Variants in PAFAH1B2 observed in about 807,000 individuals in gnomAD.
PAFAH1B2 encodes platelet activating factor acetylhydrolase 1b catalytic subunit 2.
A neutral mutation model predicts 28.0 loss-of-function variants in PAFAH1B2; 8 were observed. The ratio of observed to expected loss-of-function variants is 0.29; its 90% confidence interval spans 0.17 to 0.52. The LOEUF (loss-of-function observed/expected upper bound fraction) is 0.52, where lower values mean the gene tolerates loss of function less well. Ranked by LOEUF, PAFAH1B2 falls within the 20% of genes least tolerant of loss-of-function variation. PAFAH1B2 has a pLI of 0.97. For missense variants in PAFAH1B2, 190 were observed against 282.6 expected (o/e 0.67, Z 2.35); for synonymous variants, 104 against 103.2 (o/e 1.01, Z -0.05).
intron 2 of PAFAH1B2, among the ~76,000 whole-genome samples, chr11:117,152,991 A>T (rs530025922): frequency 6.6e-6 from 1 of 152,152 alleles, no homozygotes; most frequent in East Asian, 1.9e-4. Flanking sequence ...GCTTGAACCC[A>T]GGAGGCGGAG....
chr11:117,174,296 G>A (rs1956733977), downstream of PAFAH1B2, among the ~76,000 whole-genome samples: 1 of 151,270 alleles, frequency 6.6e-6, no homozygotes, highest in African/African-American at 2.4e-5. Context: ...TGATTCTCCT[G>A]CCTCAGCCTC....
rs1313307490 is a variant in PAFAH1B2, at chr11:117,161,171, T to C, written c.198T>C (p.Leu66=). The change falls in exon 4 of 6, where the codon CTT becomes CTC. Residue 66 remains leucine, a synonymous_variant. Coordinates refer to ENST00000527958, the MANE Select transcript of PAFAH1B2 (RefSeq NM_002572.4). ...TATGGCGAGAGCTTTTTTCCCCACT[T>C]CATGCACTGAATTTTGGAATTGGGG... ...YEIWRELFSP[L]HALNFGIGGD... The C allele has an allele frequency of 1.3e-6, 2 of 1,595,838 alleles. No homozygotes were observed. Among genetic ancestry groups the C allele is most frequent in the Admixed American group, 1.9e-5 (1 of 53,620 alleles).
chr11:117,149,429 C>CTTTTTTTTTTTTTTT lies in PAFAH1B2; in HGVS notation c.-7-3012_-7-3011insTTTTTTTTTTTTTTT, dbSNP rs1565260556. 4.6e-3 allele frequency among the ~76,000 whole-genome samples: 155 copies of CTTTTTTTTTTTTTTT among 33,464 alleles called. 7 individuals carry two copies. Among genetic ancestry groups the CTTTTTTTTTTTTTTT allele is most frequent in the Non-Finnish European group, 7.0e-3 (92 of 13,084 alleles). 22.0% of individuals were successfully genotyped at this position (33,464 alleles called of 152,430 possible). ...TTTAATTTAAAAAAAGTTTTCTAAT[C>CTTTTTTTTTTTTTTT]GTTTTTTTTTTTTTTGAGATGGAGT... On this transcript the variant is annotated intron_variant, in intron 1 of 5. Coordinates refer to ENST00000527958, the MANE Select transcript of PAFAH1B2 (RefSeq NM_002572.4).
rs1956607784 is a variant in PAFAH1B2, at chr11:117,169,796, G to A, written c.*2097G>A. The A allele has an allele frequency of 2.8e-6, 3 of 1,055,708 alleles. No individual in the cohort carries two copies. Among genetic ancestry groups the A allele is most frequent in the Non-Finnish European group, 3.4e-6 (3 of 873,402 alleles). The allele number at this position is 1,055,708 out of a possible 1,614,324, so 65.4% of individuals were successfully genotyped here. A position where few individuals can be genotyped will look rare whatever the true frequency, so the allele number is the denominator to read the frequency against. On this transcript the variant is annotated 3_prime_UTR_variant, in exon 6 of 6. Transcript: ENST00000527958. The stretch of plus-strand genomic sequence containing the variant: ...GCAAGAAGAATTAAGCCAGATTTTT[G>A]TGTGTGGAAAGACAGTTTTCTATCC...
rs1252928472 is a variant in PAFAH1B2, at chr11:117,168,836, GCT to G, written c.*1138_*1139del. On this transcript the variant is annotated 3_prime_UTR_variant, in exon 6 of 6. Transcript: ENST00000527958. ...GAGATGGAGTTTCACTGTTGCCCAG[GCT>G]GGGGTGCAATGGTGTGATCTTGGCT... 11 of 752,732 alleles carry G rather than the reference GCT, an allele frequency of 1.5e-5. No homozygotes were observed. Among genetic ancestry groups the G allele is most frequent in the Non-Finnish European group, 1.8e-5 (11 of 603,636 alleles). 46.6% of individuals were successfully genotyped at this position (752,732 alleles called of 1,614,324 possible).
rs1216968675 is a variant in PAFAH1B2 at position 117,170,849 on chromosome 11, T to C, written c.*3150T>C. 1.2e-5 allele frequency: 13 copies of C among 1,059,474 alleles called. No individual in the cohort carries two copies. The highest frequency in any genetic ancestry group is 1.5e-5 in the Non-Finnish European group (13 of 875,594). The allele number at this position is 1,059,474 out of a possible 1,614,324, so 65.6% of individuals were successfully genotyped here. On this transcript the variant is annotated 3_prime_UTR_variant, in exon 6 of 6. Transcript: ENST00000527958. ...GTGGGTGCATGTGGGAGAAGTGAGT[T>C]AGGGCCTCTTGAAAGGAGGCTTTTT...
chr11:117,170,830 G>A lies in PAFAH1B2; in HGVS notation c.*3131G>A. On this transcript the variant is annotated 3_prime_UTR_variant, in exon 6 of 6. Transcript: ENST00000527958. The stretch of plus-strand genomic sequence containing the variant: ...TCCAAGCTCCTAAATCCGTGTGGGT[G>A]CATGTGGGAGAAGTGAGTTAGGGCC... 1 of 1,059,772 alleles carries A rather than the reference G, an allele frequency of 9.4e-7. No individual in the cohort carries two copies. Among genetic ancestry groups the A allele is most frequent in the Non-Finnish European group, 1.1e-6 (1 of 875,778 alleles). The allele number at this position is 1,059,772 out of a possible 1,614,324, so 65.6% of individuals were successfully genotyped here.
chr11:117,147,590 T>G (rs920469244), intron 1 of PAFAH1B2, among the ~76,000 whole-genome samples: 6 of 152,238 alleles, frequency 3.9e-5, no homozygotes, highest in Admixed American at 6.5e-5. Context: ...AAAGAGGAGA[T>G]TGTGTGAGTT....
chr11:117,160,736 C>T (rs2134197916), intron 3 of PAFAH1B2, among the ~76,000 whole-genome samples: 1 of 151,734 alleles, frequency 6.6e-6, no homozygotes, highest in Admixed American at 6.6e-5. Flanking sequence ...GGATTATAGG[C>T]ATGGGCCACT....
At chr11:117,162,639 C>T (rs1189730657) in intron 4 of PAFAH1B2, among the ~76,000 whole-genome samples, 2 of 150,690 alleles carry the variant, frequency 1.3e-5, no homozygotes, top group Non-Finnish European at 3.0e-5. Flanking sequence ...CATGGTGTCA[C>T]ACACCTTAGG....
Position 117,167,608 on chromosome 11 carries a change from G to A in PAFAH1B2, c.599G>A (p.Gly200Glu). 1 of 1,612,066 alleles carries A rather than the reference G, an allele frequency of 6.2e-7. No individual in the cohort carries two copies. Residue 200 changes from glycine (G) to glutamate (E), a missense_variant, in exon 6 of 6, where the codon GGG becomes GAG. By Grantham distance (98) the Gly-to-Glu change is moderately conservative (BLOSUM62 -2). Coordinates refer to ENST00000527958, the MANE Select transcript of PAFAH1B2 (RefSeq NM_002572.4). ...TTTGATTTTCTGCATCTGACAGGAG[G>A]GGGCTATGCAAAGATCTGCAAACCC... ...DMFDFLHLTG[G>E]GYAKICKPLH... is the part of the protein sequence containing the mutation.
Position 117,168,406 on chromosome 11 carries a change from C to CTTCA in PAFAH1B2, c.*709_*712dup, listed in dbSNP as rs1395227232. 3 of 1,052,316 alleles carry CTTCA rather than the reference C, an allele frequency of 2.9e-6. No individual in the cohort carries two copies. In the African/African-American group the frequency reaches 5.2e-5, roughly 18 times the overall value. The allele number at this position is 1,052,316 out of a possible 1,614,324, so 65.2% of individuals were successfully genotyped here. On this transcript the variant is annotated 3_prime_UTR_variant, in exon 6 of 6. Transcript: ENST00000527958. ...CATGCAGCCTTTCCTCCTTATTCCC[C>CTTCA]TTCATGCCCCCCTTTCCCCTTCATT...
chr11:117,152,924 G>A (rs1397611098), intron 2 of PAFAH1B2, among the ~76,000 whole-genome samples: 1 of 152,174 alleles, frequency 6.6e-6, no homozygotes, highest in Non-Finnish European at 1.5e-5. Flanking sequence ...AAGTTAGCCG[G>A]TTGTGGTGGC....
chr11:117,152,587 T>A lies in PAFAH1B2; in HGVS notation c.81+59T>A, dbSNP rs74985866. The A allele has an allele frequency of 7.6e-3, 9,616 of 1,260,752 alleles. 520 individuals are homozygous for A. In the African/African-American group the frequency reaches 0.12, roughly 16 times the overall value. 78.1% of individuals were successfully genotyped at this position (1,260,752 alleles called of 1,614,324 possible). ...GTTGAGTCTCCAGTTTTTTGTCTGTTTTGTTTTAGTTTTTGAGACAAGGTC... is the reference window on the plus strand; with the variant it reads ...GTTGAGTCTCCAGTTTTTTGTCTGTATTGTTTTAGTTTTTGAGACAAGGTC... On this transcript the variant is annotated intron_variant, in intron 2 of 5. Coordinates refer to ENST00000527958, the MANE Select transcript of PAFAH1B2 (RefSeq NM_002572.4).
intron 5 of PAFAH1B2, among the ~76,000 whole-genome samples, 167 bp from the exon 6 acceptor site, chr11:117,167,254 A>G (rs1203349745): frequency 6.6e-6 from 1 of 152,206 alleles, no homozygotes; most frequent in Non-Finnish European, 1.5e-5. Flanking sequence ...TGAAAAAACT[A>G]AGAAGAAATG....
chr11:117,175,564 C>G, downstream of PAFAH1B2: 1 of 1,116,678 alleles, frequency 9.0e-7, no homozygotes, highest in Non-Finnish European at 1.1e-6. Flanking sequence ...CCAGATATTG[C>G]CAGCGGAAAG....
chr11:117,157,359 C>A (rs1956276299), intron 2 of PAFAH1B2, among the ~76,000 whole-genome samples: 1 of 151,930 alleles, frequency 6.6e-6, no homozygotes, highest in African/African-American at 2.4e-5. Context: ...CCAGGCTGGT[C>A]TTGAACTCCT....
At chr11:117,145,239 TTTGA>T (rs1955971426) in intron 1 of PAFAH1B2, among the ~76,000 whole-genome samples, 1 of 152,090 alleles carries the variant, frequency 6.6e-6, no homozygotes, top group African/African-American at 2.4e-5. Flanking sequence ...GGTCTACAGG[TTTGA>T]TTGACCCGTT....
In PAFAH1B2 at chr11:117,156,283, G is replaced by A. The variant is rs150303922; in HGVS notation, c.82-3651G>A. 9.9e-5 allele frequency among the ~76,000 whole-genome samples: 15 copies of A among 152,254 alleles called. 2 individuals carry two copies. Among genetic ancestry groups the A allele is most frequent in the African/African-American group, 2.9e-4 (12 of 41,530 alleles). The stretch of plus-strand genomic sequence containing the variant: ...GTATGATGTTAAGTGCAACTATAAC[G>A]GCTACCATTTATCAAGTACCTAGTG... On this transcript the variant is annotated intron_variant, in intron 2 of 5. Coordinates refer to ENST00000527958, the MANE Select transcript of PAFAH1B2 (RefSeq NM_002572.4).
Sources: allele counts gnomAD v4.1 joint callset (sites outside exome capture counted in the v4.1 genomes callset), GRCh38; gene constraint gnomAD v4.1.1; transcripts MANE v1.5; gene names NCBI Gene and HGNC (gene_info 2026-07-23, HGNC 2026-07-21).